LNX1: variants seen among roughly 807,000 people sequenced by gnomAD.
LNX1 encodes ligand of numb-protein X 1.
Under a neutral mutation model 68.4 loss-of-function variants are expected in LNX1, and 54 were observed. The ratio of observed to expected loss-of-function variants is 0.79; its 90% CI spans 0.63 to 0.99. LNX1 has a LOEUF of 0.99. Among genes scored for constraint, LNX1 ranks in the 50% least tolerant of loss-of-function variants. The pLI is 0.00. For synonymous variants in LNX1, 336 were observed against 350.0 expected, an observed-to-expected ratio of 0.96 and a Z score of 0.45; for missense variants, 906 against 926.4, an observed-to-expected ratio of 0.98 and a Z score of 0.29.
chr4:53,525,738 A>G (rs149985404), intron 2 of LNX1, among the ~76,000 whole-genome samples: 1 of 152,326 alleles, frequency 6.6e-6, no homozygotes, highest in East Asian at 1.9e-4. Flanking sequence ...TCTTGGATCA[A>G]TGCTATGGTA....
intron 6 of LNX1, among the ~76,000 whole-genome samples, chr4:53,482,494 G>T (rs1338106953): frequency 6.6e-6 from 1 of 152,130 alleles, no homozygotes; most frequent in Non-Finnish European, 1.5e-5. Flanking sequence ...AGAAAATGTG[G>T]TATGTATATA....
intron 2 of LNX1, among the ~76,000 whole-genome samples, chr4:53,516,093 T>C (rs1479808625): frequency 6.6e-6 from 1 of 152,040 alleles, no homozygotes; most frequent in Non-Finnish European, 1.5e-5. Flanking sequence ...ATTTAAAAAA[T>C]TAGCTGGGCA....
intron 6 of LNX1, among the ~76,000 whole-genome samples, chr4:53,490,344 G>T (rs150667280): frequency 1.3e-5 from 2 of 152,304 alleles, no homozygotes; most frequent in African/African-American, 4.8e-5. Flanking sequence ...GTTCCAAAAA[G>T]CTGCCTCTTT....
At chr4:53,552,038 A>AT (rs1329008116) in intron 2 of LNX1, among the ~76,000 whole-genome samples, 1 of 152,112 alleles carries the variant, frequency 6.6e-6, no homozygotes, top group Admixed American at 6.5e-5. Flanking sequence ...ATAAAGTATA[A>AT]TTTTCTCTCC....
chr4:53,492,539 G>GAGAGAGAGAGAGAGAGAGAGAGAGAC (rs1724766925), intron 6 of LNX1, among the ~76,000 whole-genome samples: 2 of 151,726 alleles, frequency 1.3e-5, no homozygotes, highest in Non-Finnish European at 2.9e-5. Context: ...GAGAGAGAGA[G>GAGAGAGAGAGAGAGAGAGAGAGAGAC]AGAGTGGCAT....
rs530133782 is a variant in LNX1, at chr4:53,549,787, T to C, written c.380+23836A>G. Among the ~76,000 whole-genome samples the C allele has an allele frequency of 5.3e-5, 8 of 152,338 alleles. 1 individual carries two copies. The highest frequency in any genetic ancestry group is 6.8e-3 in the Middle Eastern group (2 of 294). On this transcript the variant is annotated intron_variant, in intron 2 of 10. Transcript: ENST00000263925. ...ATCTTTTCTCTCCTTTTATATTGTT[T>C]GTAGTTTTCCATTATAAGTTAAAAT...
chr4:53,573,733 G>A lies in LNX1; in HGVS notation c.270C>T (p.Ser90=). 2.5e-6 allele frequency: 4 copies of A among 1,611,334 alleles called. No individual in the cohort carries two copies. The highest frequency in any genetic ancestry group is 3.4e-6 in the Non-Finnish European group (4 of 1,178,836). ...TGAGGAGTTTGTTGACCAGGATGCT[G>A]GACTTCTTGCAGTGCTGCAGAACCA... ...KPLVLQHCKK[S]SILVNKLLNK... Residue 90 remains serine, a synonymous_variant, in exon 2 of 11, where the codon TCC becomes TCT. Transcript: ENST00000263925.
rs1181359018 is a variant in LNX1 at position 53,476,767 on chromosome 4, C to G, written c.1878G>C (p.Trp626Cys). ...PSDWSPSWVM[W>C]LELPRCLYNC... ...TTTGGACTTACCGTGGTAATTCCAG[C>G]CACATGACCCAGGATGGGGACCAGT... The change falls in exon 9 of 11, where the codon TGG becomes TGC. Residue 626 changes from tryptophan (W) to cysteine (C), a missense_variant. Physicochemically the swap from Trp to Cys is radical, Grantham distance 215. Coordinates refer to ENST00000263925, the MANE Select transcript of LNX1 (RefSeq NM_001126328.3). 2.5e-6 allele frequency: 4 copies of G among 1,613,966 alleles called. No individual in the cohort carries two copies. In the East Asian group the frequency reaches 6.7e-5, roughly 27 times the overall value.
At chr4:53,622,654 A>C (rs1560697405) in intron 1 of LNX1, among the ~76,000 whole-genome samples, 1 of 152,218 alleles carries the variant, frequency 6.6e-6, no homozygotes. Context: ...CAAAGGAGGA[A>C]GTTCATGAGA....
At chr4:53,610,551 C>CA (rs1204273938) in intron 2 of LNX1, among the ~76,000 whole-genome samples, 2 of 151,294 alleles carry the variant, frequency 1.3e-5, no homozygotes, top group African/African-American at 2.4e-5. Context: ...ACTAAAAATA[C>CA]AAAAAAATTA....
At chr4:53,568,699 T>C (rs1730907257) in intron 2 of LNX1, among the ~76,000 whole-genome samples, 1 of 151,268 alleles carries the variant, frequency 6.6e-6, no homozygotes, top group Non-Finnish European at 1.5e-5. Flanking sequence ...GGGTATTCAA[T>C]TAGGAAAAAA....
intron 6 of LNX1, among the ~76,000 whole-genome samples, chr4:53,492,536 A>AGAGAGAGAGG (rs1724765608): frequency 6.6e-6 from 1 of 151,438 alleles, no homozygotes; most frequent in Non-Finnish European, 1.5e-5. Context: ...AGAGAGAGAG[A>AGAGAGAGAGG]GAGAGAGTGG....
chr4:53,466,010 G>A (rs1722650767), intron 9 of LNX1, among the ~76,000 whole-genome samples: 1 of 151,938 alleles, frequency 6.6e-6, no homozygotes, highest in African/African-American at 2.4e-5. Flanking sequence ...AATTATTTTG[G>A]CTTTTTGTTT....
At chr4:53,606,482 CAAACAA>C (rs1324368490) in intron 2 of LNX1, among the ~76,000 whole-genome samples, 1 of 68,200 alleles carries the variant, frequency 1.5e-5, no homozygotes, top group Non-Finnish European at 3.1e-5. Flanking sequence ...AAACAAAAAA[CAAACAA>C]AAAAAAAACA....
chr4:53,468,434 C>A (rs1392395728), intron 9 of LNX1, among the ~76,000 whole-genome samples: 3 of 152,178 alleles, frequency 2.0e-5, no homozygotes, highest in African/African-American at 7.2e-5. Context: ...ACTGCATCAA[C>A]TAATGAGCAA....
At chr4:53,498,503 T>C in intron 5 of LNX1, 138 bp downstream of exon 5, 1 of 644,812 alleles carries the variant, frequency 1.6e-6, no homozygotes, top group South Asian at 2.0e-5. Flanking sequence ...TCTCAGAGAG[T>C]CATAAAATGA....
chr4:53,586,628 A>T (rs935024791), intron 1 of LNX1, among the ~76,000 whole-genome samples: 1 of 152,228 alleles, frequency 6.6e-6, no homozygotes, highest in Non-Finnish European at 1.5e-5. Flanking sequence ...GAAGTGTACT[A>T]GTCAGCCTAC....
intron 2 of LNX1, among the ~76,000 whole-genome samples, chr4:53,545,344 G>A (rs961497651): frequency 2.0e-5 from 3 of 152,112 alleles, no homozygotes; most frequent in Non-Finnish European, 4.4e-5. Flanking sequence ...ATCCATCTCA[G>A]CCCCCCAACC....
intron 2 of LNX1, among the ~76,000 whole-genome samples, chr4:53,566,998 G>A (rs1287190990): frequency 6.6e-6 from 1 of 151,860 alleles, no homozygotes; most frequent in African/African-American, 2.4e-5. Flanking sequence ...CATAAAGCAA[G>A]TCCTGAGTGA....
Sources: gnomAD v4.1 joint callset for allele counts (sites outside exome capture counted in the v4.1 genomes callset) on GRCh38, gnomAD v4.1.1 for gene constraint, MANE v1.5 for transcripts, NCBI Gene and HGNC (gene_info 2026-07-23, HGNC 2026-07-21) for gene names.